The following XDH variants were observed in gnomAD, a reference collection of about 807,000 sequenced individuals.
XDH encodes the protein xanthine dehydrogenase.
A neutral mutation model predicts 156.1 loss-of-function variants in XDH; 138 were observed. The ratio of observed to expected loss-of-function variants is 0.88; its 90% CI spans 0.77 to 1.02. The LOEUF (loss-of-function observed/expected upper bound fraction) is 1.02. Among genes scored for constraint, XDH ranks in the 50% least tolerant of loss-of-function variants. The pLI is 0.00. For missense variants in XDH, 1,849 were observed against 1,684.9 expected, an observed-to-expected ratio of 1.10 and a Z score of -1.71; for synonymous variants, 669 against 625.7, an observed-to-expected ratio of 1.07 and a Z score of -1.03.
intron 21 of XDH, 42 bp from the exon 22 acceptor site, chr2:31,366,151 T>C: frequency 6.2e-7 from 1 of 1,614,192 alleles, no homozygotes; most frequent in Non-Finnish European, 8.5e-7. Context: ...ATGCATTACC[T>C]GAACTTATTT....
rs201283535 is a variant in XDH, at chr2:31,377,203, C to T, written c.1277G>A (p.Arg426Gln). 83 of 1,613,940 alleles carry T rather than the reference C, an allele frequency of 5.1e-5. No homozygotes were observed. Among genetic ancestry groups the T allele is most frequent in the Middle Eastern group, 1.6e-4 (1 of 6,078 alleles). ...TACCTTGGCAATGTCATCTTCTCTC[C>T]GGGAGGCCTGCTTGAATGCTGAGAA... Reference protein sequence around the residue: ...EYFSAFKQASRREDDIAKVTS... With the variant: ...EYFSAFKQASQREDDIAKVTS... Residue 426 changes from arginine to glutamine, a missense_variant, in exon 14 of 36, where the codon CGG becomes CAG. Arg to Gln is a conservative substitution (Grantham distance 43). Coordinates refer to ENST00000379416, the MANE Select transcript of XDH (RefSeq NM_000379.4).
chr2:31,405,977 A>G lies in XDH; in HGVS notation c.43-13T>C. 6.2e-7 allele frequency: 1 copy of G among 1,613,950 alleles called. No individual in the cohort carries two copies. Among genetic ancestry groups the G allele is most frequent in the Non-Finnish European group, 8.5e-7 (1 of 1,179,828 alleles). ...TTTTCTCCACCACCTATTAAAATAA[A>G]TGAAAGAAAAATATATCATAGGTAT... On this transcript the variant is annotated splice_polypyrimidine_tract_variant and intron_variant, in intron 1 of 35. Transcript: ENST00000379416.
At chr2:31,396,645 C>T (rs1686912950) in intron 6 of XDH, among the ~76,000 whole-genome samples, 1 of 152,058 alleles carries the variant, frequency 6.6e-6, no homozygotes, top group Non-Finnish European at 1.5e-5. Flanking sequence ...AATGGCAAAA[C>T]CACAGTTACT....
intron 4 of XDH, among the ~76,000 whole-genome samples, chr2:31,400,072 G>A (rs535369273): frequency 3.9e-5 from 6 of 152,154 alleles, no homozygotes; most frequent in African/African-American, 1.4e-4. Flanking sequence ...TAGATGGGAA[G>A]CAATCCCACC....
At chr2:31,395,386 C>T (rs1322614993) in intron 6 of XDH, among the ~76,000 whole-genome samples, 1 of 152,068 alleles carries the variant, frequency 6.6e-6, no homozygotes, top group Non-Finnish European at 1.5e-5. Flanking sequence ...CCAAGGTAGG[C>T]GAGGATCTAA....
At position 31,335,894 on chromosome 2, in the gene XDH, A is replaced by G. The variant is rs1175510396; in HGVS notation, c.*64T>C. On this transcript the variant is annotated 3_prime_UTR_variant, in exon 36 of 36. Transcript: ENST00000379416. The stretch of plus-strand genomic sequence containing the variant: ...CTTTAATAGATCCATGTTCTGTGGT[A>G]TGTTCCTCCTGCTCCATGGAAGCCC... 1 of 1,545,456 alleles carries G rather than the reference A, an allele frequency of 6.5e-7. No homozygotes were observed. Among genetic ancestry groups the G allele is most frequent in the Non-Finnish European group, 8.9e-7 (1 of 1,117,576 alleles).
At chr2:31,381,802 C>A (rs1054936332) in intron 11 of XDH, 76 bp from the exon 12 acceptor site, 4 of 1,378,332 alleles carry the variant, frequency 2.9e-6, no homozygotes, top group South Asian at 2.5e-5. Context: ...CCTGAACATA[C>A]CAGCCAGGTG....
At chr2:31,380,910 G>T (rs1424669234) in intron 12 of XDH, among the ~76,000 whole-genome samples, 2 of 152,184 alleles carry the variant, frequency 1.3e-5, no homozygotes, top group Admixed American at 1.3e-4. Context: ...ACAGCAAAAT[G>T]AAGTACTTAC....
rs373677959 is a variant in XDH at position 31,414,684 on chromosome 2, C to T, written c.-18G>A. On this transcript the variant is annotated 5_prime_UTR_variant, in exon 1 of 36. Coordinates refer to ENST00000379416, the MANE Select transcript of XDH (RefSeq NM_000379.4). ...GCTGTCATTGTCACAGGTTGGGGTC[C>T]CCGAACTCCAGGTACCTCACTCCTA... 1.9e-6 allele frequency: 3 copies of T among 1,613,934 alleles called. No homozygotes were observed. The highest frequency in any genetic ancestry group is 2.2e-5 in the East Asian group (1 of 44,872).
chr2:31,353,015 C>A (rs1685524348), intron 24 of XDH, among the ~76,000 whole-genome samples: 1 of 151,152 alleles, frequency 6.6e-6, no homozygotes, highest in African/African-American at 2.4e-5. Flanking sequence ...GCCACCGCAC[C>A]CAGCCACCTC....
At chr2:31,413,841 A>T (rs902202310) in intron 1 of XDH, among the ~76,000 whole-genome samples, 44 of 152,142 alleles carry the variant, frequency 2.9e-4, no homozygotes, top group African/African-American at 9.9e-4. Context: ...AGGAGGGCAA[A>T]TGGAGGCTAG....
At chr2:31,342,606 C>G (rs550400151) in intron 31 of XDH, among the ~76,000 whole-genome samples, 3 of 152,292 alleles carry the variant, frequency 2.0e-5, no homozygotes, top group Non-Finnish European at 4.4e-5. Flanking sequence ...TCCATCTGGG[C>G]TCACGAAGGA....
At chr2:31,338,717 T>C (rs949986467) in intron 34 of XDH, among the ~76,000 whole-genome samples, 2 of 121,934 alleles carry the variant, frequency 1.6e-5, no homozygotes, top group African/African-American at 3.1e-5. Context: ...ACCAAGTCTT[T>C]TTTTTTTTTT....
rs574488295 is a variant in XDH, at chr2:31,414,338, A to C, written c.42+287T>G. On this transcript the variant is annotated intron_variant, in intron 1 of 35. Coordinates refer to ENST00000379416, the MANE Select transcript of XDH (RefSeq NM_000379.4). ...CAACTCCCCTTTCTCATTCTGTGCC[A>C]ATCTCCACTACTGCAGAGAGTTGGC... Among the ~76,000 whole-genome samples the C allele has an allele frequency of 2.6e-5, 4 of 151,990 alleles. 1 individual carries two copies. The South Asian group carries it at 8.3e-4, about 32-fold the overall frequency.
In XDH at chr2:31,348,336, C is replaced by T. The variant is rs1428708477; in HGVS notation, c.3079G>A (p.Asp1027Asn). The change falls in exon 28 of 36, where the codon GAT becomes AAT. Residue 1027 changes from aspartate (D) to asparagine (N), a missense_variant. Physicochemically the swap from Asp to Asn is conservative, Grantham distance 23. Coordinates refer to ENST00000379416, the MANE Select transcript of XDH (RefSeq NM_000379.4). Reference protein sequence around the residue: ...QAGALLHVYTDGSVLLTHGGT... With the variant: ...QAGALLHVYTNGSVLLTHGGT... The stretch of plus-strand genomic sequence containing the variant: ...CCGTGGGTCAGCAGCACAGAGCCAT[C>T]TGTGTACACATGAAGTAGGGCTCCT... 1 of 1,614,220 alleles carries T rather than the reference C, an allele frequency of 6.2e-7. No individual in the cohort carries two copies. Among genetic ancestry groups the T allele is most frequent in the East Asian group, 2.2e-5 (1 of 44,890 alleles).
At position 31,405,926 on chromosome 2, in the gene XDH, CA is replaced by C. The variant is rs1238429973; in HGVS notation, c.80del (p.Leu27TrpfsTer4). Reference sequence around the variant, plus strand: ...GGATACACTTTCTTCTCAGGTAGGCCAAAAGGGTTGTCTCTGGATCTGCATT... The same window carrying C: ...GGATACACTTTCTTCTCAGGTAGGCCAAAGGGTTGTCTCTGGATCTGCATT... ...EKNADPETTLLAYLRRKLGLS... is the reference protein window; with the variant it reads ...EKNADPETTLXAYLRRKLGLS... On this transcript the variant is annotated frameshift_variant, in exon 2 of 36. Transcript: ENST00000379416. LOFTEE classifies it high-confidence loss of function. 6 of 1,613,974 alleles carry C rather than the reference CA, an allele frequency of 3.7e-6. No homozygotes were observed. Among genetic ancestry groups the C allele is most frequent in the Admixed American group, 3.3e-5 (2 of 59,996 alleles).
At chr2:31,339,754 CA>C in intron 33 of XDH, 77 bp from the exon 34 acceptor site, 1 of 1,570,246 alleles carries the variant, frequency 6.4e-7, no homozygotes. Context: ...ACAATGGACA[CA>C]AAGCGCCAAC....
At position 31,397,718 on chromosome 2, in the gene XDH, G is replaced by C; in HGVS notation, c.445C>G (p.Arg149Gly). The change falls in exon 6 of 36, where the codon CGC (arginine) becomes GGC (glycine). Residue 149 changes from arginine to glycine, a missense_variant. Physicochemically the swap from Arg to Gly is moderately radical, Grantham distance 125 (BLOSUM62 -2). Transcript: ENST00000379416. The stretch of plus-strand genomic sequence containing the variant: ...AGGATGGGTCTGTAGCCTGTGCAGC[G>C]GCACAGATTTCCTGTGGGCCAAGGA... The part of the protein sequence containing the change: ...IENAFQGNLC[R>G]CTGYRPILQG... The C allele has an allele frequency of 6.2e-7, 1 of 1,614,148 alleles. No homozygotes were observed. The highest frequency in any genetic ancestry group is 8.5e-7 in the Non-Finnish European group (1 of 1,180,008).
chr2:31,338,303 G>T (rs1444098286), intron 34 of XDH, among the ~76,000 whole-genome samples: 1 of 152,134 alleles, frequency 6.6e-6, no homozygotes, highest in African/African-American at 2.4e-5. Flanking sequence ...GCATAGGTTG[G>T]TTTTTCTCCC....
Sources: gnomAD v4.1 joint callset for allele counts (sites outside exome capture counted in the v4.1 genomes callset) on GRCh38, gnomAD v4.1.1 for gene constraint, MANE v1.5 for transcripts, NCBI Gene and HGNC (gene_info 2026-07-23, HGNC 2026-07-21) for gene names.